Variants in NALF1 observed in about 807,000 individuals in gnomAD.
NALF1 encodes family with sequence similarity 155 member A.
In NALF1, 3 loss-of-function variants were observed where a neutral mutation model predicts 48.4. The observed-to-expected ratio is 0.06, with a 90% CI of 0.03 to 0.16. The LOEUF (loss-of-function observed/expected upper bound fraction) is 0.16. Ranked by LOEUF, NALF1 falls within the 10% of genes least tolerant of loss-of-function variation. NALF1 has a pLI of 1.00. For synonymous variants in NALF1, 262 were observed against 245.7 expected (o/e 1.07, Z -0.62); for missense variants, 526 against 571.5 (o/e 0.92, Z 0.81).
chr13:107,599,314 C>T (rs991668211), intron 1 of NALF1, among the ~76,000 whole-genome samples: 11 of 150,784 alleles, frequency 7.3e-5, no homozygotes, highest in Admixed American at 2.0e-4. Flanking sequence ...CCCAGCTACT[C>T]GGGAGGCTGA....
At chr13:107,186,400 G>A (rs993471847) in intron 2 of NALF1, among the ~76,000 whole-genome samples, 1 of 151,868 alleles carries the variant, frequency 6.6e-6, no homozygotes, top group South Asian at 2.1e-4. Flanking sequence ...ACAGAGTCTC[G>A]CTCTGTCGCC....
At chr13:107,176,314 C>T (rs1417515812) in intron 2 of NALF1, among the ~76,000 whole-genome samples, 3 of 66,528 alleles carry the variant, frequency 4.5e-5, no homozygotes, top group Non-Finnish European at 9.6e-5. Context: ...ACCAACCTCA[C>T]AGTTTTTTTT....
intron 1 of NALF1, among the ~76,000 whole-genome samples, chr13:107,582,337 A>T (rs1878334906): frequency 6.6e-6 from 1 of 152,216 alleles, no homozygotes; most frequent in African/African-American, 2.4e-5. Flanking sequence ...ACAGAGGGTA[A>T]CAAACATGAC....
At chr13:107,361,833 T>G (rs1046116834) in intron 1 of NALF1, among the ~76,000 whole-genome samples, 1 of 152,234 alleles carries the variant, frequency 6.6e-6, no homozygotes, top group Non-Finnish European at 1.5e-5. Flanking sequence ...TCGCTGGTCT[T>G]CGCACTTTGC....
chr13:107,173,545 T>G (rs1278157480), intron 2 of NALF1, among the ~76,000 whole-genome samples: 1 of 152,176 alleles, frequency 6.6e-6, no homozygotes, highest in Non-Finnish European at 1.5e-5. Context: ...TGAAGAAATA[T>G]CTCCTGCAGC....
chr13:107,597,653 T>C (rs1475465877), intron 1 of NALF1, among the ~76,000 whole-genome samples: 1 of 151,626 alleles, frequency 6.6e-6, no homozygotes, highest in African/African-American at 2.4e-5. Flanking sequence ...GAAAAAATAG[T>C]CAATATTAGA....
At chr13:107,195,415 C>T (rs903166921) in intron 2 of NALF1, among the ~76,000 whole-genome samples, 4 of 152,230 alleles carry the variant, frequency 2.6e-5, no homozygotes. Flanking sequence ...ATTAAACCTT[C>T]ACCATGGATT....
intron 1 of NALF1, among the ~76,000 whole-genome samples, chr13:107,595,464 T>A (rs1878717681): frequency 6.6e-6 from 1 of 152,088 alleles, no homozygotes; most frequent in Non-Finnish European, 1.5e-5. Flanking sequence ...TGAGGAACAT[T>A]TTTCTAATAT....
At chr13:107,642,126 A>G (rs1880175318) in intron 1 of NALF1, among the ~76,000 whole-genome samples, 1 of 152,178 alleles carries the variant, frequency 6.6e-6, no homozygotes, top group African/African-American at 2.4e-5. Flanking sequence ...CTGTATCTTA[A>G]TACAATCCCC....
At chr13:107,813,303 G>A (rs955013890) in intron 1 of NALF1, among the ~76,000 whole-genome samples, 4 of 152,086 alleles carry the variant, frequency 2.6e-5, no homozygotes, top group African/African-American at 9.7e-5. Context: ...TTCTGCAACA[G>A]CATTATAGGT....
At chr13:107,829,226 C>A (rs955934692) in intron 1 of NALF1, among the ~76,000 whole-genome samples, 18 of 152,072 alleles carry the variant, frequency 1.2e-4, no homozygotes, top group African/African-American at 4.3e-4. Flanking sequence ...AATAAGTATA[C>A]CCCTACATCC....
At chr13:107,685,285 C>G (rs150533121) in intron 1 of NALF1, among the ~76,000 whole-genome samples, 7 of 152,144 alleles carry the variant, frequency 4.6e-5, no homozygotes, top group African/African-American at 1.7e-4. Context: ...ATTGCTCCAG[C>G]CTGGGTGACA....
intron 1 of NALF1, among the ~76,000 whole-genome samples, chr13:107,302,995 T>G (rs1881867188): frequency 6.6e-6 from 1 of 152,238 alleles, no homozygotes; most frequent in Non-Finnish European, 1.5e-5. Context: ...GGCCTTGAGT[T>G]GAACTTGCAT....
At chr13:107,591,693 A>C (rs1453898239) in intron 1 of NALF1, among the ~76,000 whole-genome samples, 4 of 152,046 alleles carry the variant, frequency 2.6e-5, no homozygotes, top group Non-Finnish European at 4.4e-5. Flanking sequence ...TCATGCTGAA[A>C]GAAACAAAGT....
intron 1 of NALF1, among the ~76,000 whole-genome samples, chr13:107,308,760 C>T: frequency 6.6e-6 from 1 of 152,158 alleles, no homozygotes; most frequent in Admixed American, 6.5e-5. Flanking sequence ...AAAATCAATC[C>T]TGAATATGAA....
intron 2 of NALF1, among the ~76,000 whole-genome samples, chr13:107,187,443 G>A (rs1009933764): frequency 1.3e-5 from 2 of 152,032 alleles, no homozygotes; most frequent in Non-Finnish European, 2.9e-5. Flanking sequence ...CTCTCCAACA[G>A]GCAGAATTAT....
intron 1 of NALF1, among the ~76,000 whole-genome samples, chr13:107,575,945 A>G (rs1255937240): frequency 3.4e-5 from 5 of 148,652 alleles, no homozygotes; most frequent in Admixed American, 2.7e-4. Context: ...ATGTGTGTGT[A>G]TGTGTATGTG....
chr13:107,554,902 T>C (rs1594126363), intron 1 of NALF1, among the ~76,000 whole-genome samples: 1 of 151,200 alleles, frequency 6.6e-6, no homozygotes, highest in Admixed American at 6.6e-5. Flanking sequence ...GAAGGAGGAG[T>C]GTAGAGAATG....
rs561325604 is a variant in NALF1 at position 107,283,306 on chromosome 13, C to A, written c.916-72551G>T. Among the ~76,000 whole-genome samples the A allele has an allele frequency of 2.6e-5, 4 of 152,254 alleles. No individual in the cohort carries two copies. In the South Asian group the frequency reaches 8.3e-4, roughly 32 times the overall value. On this transcript the variant is annotated intron_variant, in intron 1 of 2. Transcript: ENST00000375915. ...TGCCAATAAACATGTACACAAGTGACATCAGCAACATGGTGAAGTACGGCA... is the reference window on the plus strand; with the variant it reads ...TGCCAATAAACATGTACACAAGTGAAATCAGCAACATGGTGAAGTACGGCA...
Sources: gnomAD v4.1 joint callset for allele counts (sites outside exome capture counted in the v4.1 genomes callset) on GRCh38, gnomAD v4.1.1 for gene constraint, MANE v1.5 for transcripts, NCBI Gene and HGNC (gene_info 2026-07-23, HGNC 2026-07-21) for gene names.